Variants in MEI1 observed in about 807,000 individuals in gnomAD.
MEI1 encodes the protein meiosis inhibitor protein 1.
A neutral mutation model predicts 146.2 loss-of-function variants in MEI1; 103 were observed. The ratio of observed to expected loss-of-function variants is 0.70; its 90% CI spans 0.60 to 0.83. The LOEUF is 0.83. MEI1 is among the 40% of genes least tolerant of loss of function. The pLI, the probability that MEI1 is intolerant of heterozygous loss-of-function variation, is 0.00. For synonymous variants in MEI1, 652 were observed against 628.2 expected (o/e 1.04, Z -0.57); for missense variants, 1,529 against 1,533.0 (o/e 1.00, Z 0.04).
intron 7 of MEI1, 73 bp downstream of exon 7, chr22:41,724,146 C>A: frequency 6.5e-7 from 1 of 1,541,036 alleles, no homozygotes; most frequent in Non-Finnish European, 8.9e-7. Context: ...GCCTTGTCTT[C>A]ATCTACCACT....
intron 3 of MEI1, among the ~76,000 whole-genome samples, chr22:41,713,270 A>G (rs2069772017): frequency 6.6e-6 from 1 of 152,068 alleles, no homozygotes; most frequent in Admixed American, 6.6e-5. Flanking sequence ...CAGGCATTTG[A>G]GATTACCCTG....
intron 15 of MEI1, 126 bp downstream of exon 15, chr22:41,748,344 T>C: frequency 1.4e-6 from 1 of 700,336 alleles, no homozygotes; most frequent in East Asian, 2.7e-5. Context: ...CTGTATCTAT[T>C]CTTTGTCCAG....
intron 6 of MEI1, among the ~76,000 whole-genome samples, chr22:41,718,616 T>C (rs2070437824): frequency 6.6e-6 from 1 of 152,196 alleles, no homozygotes; most frequent in Non-Finnish European, 1.5e-5. Flanking sequence ...CTTCCATGGT[T>C]CCCTCTGGCC....
At chr22:41,762,047 GGGCCTATCCACCTTTT>G (rs1335143811) in intron 18 of MEI1, among the ~76,000 whole-genome samples, 1 of 152,090 alleles carries the variant, frequency 6.6e-6, no homozygotes, top group Non-Finnish European at 1.5e-5. Context: ...GTGGACATTT[GGGCCTATCCACCTTTT>G]GGCTATTGTG....
chr22:41,701,917 T>C (rs963181938), intron 1 of MEI1, among the ~76,000 whole-genome samples: 1 of 151,954 alleles, frequency 6.6e-6, no homozygotes, highest in African/African-American at 2.4e-5. Context: ...GTGAAAGAGA[T>C]GAGATTGGAG....
At chr22:41,745,092 A>G in intron 13 of MEI1, 28 bp downstream of exon 13, 2 of 1,452,216 alleles carry the variant, frequency 1.4e-6, no homozygotes, top group Non-Finnish European at 1.8e-6. Context: ...GTATGAAGTA[A>G]TAGCATGGAA....
intron 1 of MEI1, 127 bp from the exon 2 acceptor site, chr22:41,703,204 A>G: frequency 2.0e-6 from 2 of 992,966 alleles, no homozygotes; most frequent in Non-Finnish European, 3.0e-6. Context: ...TTGAAGGAGT[A>G]TGGATCTCAC....
At chr22:41,704,958 C>T (rs2068974609) in intron 2 of MEI1, among the ~76,000 whole-genome samples, 1 of 152,118 alleles carries the variant, frequency 6.6e-6, no homozygotes, top group South Asian at 2.1e-4. Flanking sequence ...TCGTGATCCA[C>T]CTGCCTCAGC....
chr22:41,729,814 C>T, intron 8 of MEI1, 35 bp downstream of exon 8: 3 of 1,400,370 alleles, frequency 2.1e-6, no homozygotes, highest in Non-Finnish European at 2.9e-6. Context: ...CCTCCCTATA[C>T]TAGAAGGATG....
intron 7 of MEI1, 40 bp from the exon 8 acceptor site, chr22:41,729,625 G>C (rs370424156): frequency 2.2e-5 from 29 of 1,346,658 alleles, no homozygotes; most frequent in Admixed American, 5.6e-5. Flanking sequence ...GGTCCTATTC[G>C]TGGTGTGACT....
intron 17 of MEI1, among the ~76,000 whole-genome samples, chr22:41,757,074 C>A (rs2074138641): frequency 6.6e-6 from 1 of 152,112 alleles, no homozygotes; most frequent in Admixed American, 6.5e-5. Flanking sequence ...CTTTTCTCCT[C>A]ACCCTCCACA....
Position 41,779,944 on chromosome 22 carries a change from G to T in MEI1, c.2815+1132G>T, listed in dbSNP as rs147694466. 4.6e-5 allele frequency among the ~76,000 whole-genome samples: 7 copies of T among 152,284 alleles called. No individual in the cohort carries two copies. In the East Asian group the frequency reaches 1.4e-3, roughly 29 times the overall value. On this transcript the variant is annotated intron_variant, in intron 22 of 30. Coordinates refer to ENST00000401548, the MANE Select transcript of MEI1 (RefSeq NM_152513.4). Reference sequence around the variant, plus strand: ...AAATGACATGTCTTCAGTGTTTGTGGACCCCCCAGCTCCTGTAGCCACAGG... The same window carrying T: ...AAATGACATGTCTTCAGTGTTTGTGTACCCCCCAGCTCCTGTAGCCACAGG...
chr22:41,768,656 T>C (rs2899349), intron 19 of MEI1, among the ~76,000 whole-genome samples: 126,835 of 152,064 alleles, frequency 0.83, 53,850 homozygotes, highest in African/African-American at 0.95. Flanking sequence ...GAAGCTGGCA[T>C]ATCTTATATG....
chr22:41,743,059 C>T, intron 11 of MEI1, 21 bp from the exon 12 acceptor site: 2 of 1,587,616 alleles, frequency 1.3e-6, no homozygotes, highest in Non-Finnish European at 1.7e-6. Flanking sequence ...CGTGAACCTG[C>T]TTTTGTCTCT....
chr22:41,750,364 C>T (rs1398317166), intron 15 of MEI1, among the ~76,000 whole-genome samples: 1 of 152,144 alleles, frequency 6.6e-6, no homozygotes, highest in African/African-American at 2.4e-5. Flanking sequence ...TGAAAGGCAT[C>T]CCAGAAGTCA....
In MEI1 at chr22:41,720,219, A is replaced by G. The variant is rs1221082067; in HGVS notation, c.733+1945A>G. On this transcript the variant is annotated intron_variant, in intron 6 of 30. Transcript: ENST00000401548. ...AAATTGGGGGGGAGAGGAGGAAGGC[A>G]GAAACACGGGCCAGAGCACGAGGTA... Among the ~76,000 whole-genome samples the G allele has an allele frequency of 2.0e-5, 3 of 152,136 alleles. No homozygotes were observed. In the East Asian group the frequency reaches 5.8e-4, roughly 29 times the overall value.
At chr22:41,790,732 T>G (rs966095557) in intron 26 of MEI1, among the ~76,000 whole-genome samples, 2 of 152,118 alleles carry the variant, frequency 1.3e-5, no homozygotes, top group Non-Finnish European at 2.9e-5. Context: ...CAGCTGGGAC[T>G]ACAGGCTCCC....
At position 41,798,166 on chromosome 22, in the gene MEI1, CACACAT is replaced by C. The variant is rs1218680887; in HGVS notation, c.3780-1086_3780-1081del. ...ACACACACACACACACACACACACA[CACACAT>C]AGTGTGTGTCTCTGTGACTGCCATG... On this transcript the variant is annotated intron_variant, in intron 30 of 30. Coordinates refer to ENST00000401548, the MANE Select transcript of MEI1 (RefSeq NM_152513.4). 1.5e-3 allele frequency among the ~76,000 whole-genome samples: 182 copies of C among 120,744 alleles called. 2 individuals are homozygous for C. Among genetic ancestry groups the C allele is most frequent in the East Asian group, 8.2e-3 (39 of 4,756 alleles). 79.2% of individuals were successfully genotyped at this position (120,744 alleles called of 152,430 possible).
At chr22:41,789,094 C>T (rs936822286) in intron 26 of MEI1, among the ~76,000 whole-genome samples, 1 of 152,134 alleles carries the variant, frequency 6.6e-6, no homozygotes, top group Non-Finnish European at 1.5e-5. Context: ...GGGCGGATCA[C>T]TTGTCAGGAA....
Sources: allele counts gnomAD v4.1 joint callset (sites outside exome capture counted in the v4.1 genomes callset), GRCh38; gene constraint gnomAD v4.1.1; transcripts MANE v1.5; gene names NCBI Gene and HGNC (gene_info 2026-07-23, HGNC 2026-07-21).